ADAM10: variants seen among roughly 807,000 people sequenced by gnomAD.
ADAM10 encodes disintegrin and metalloproteinase domain-containing protein 10.
ADAM10 carries 17 observed loss-of-function variants against 90.1 expected under a neutral mutation model. The observed-to-expected ratio is 0.19, with a 90% CI of 0.13 to 0.28. The LOEUF is 0.28. Among genes scored for constraint, ADAM10 ranks in the 10% least tolerant of loss-of-function variants. The pLI, the probability that ADAM10 is intolerant of heterozygous loss-of-function variation, is 1.00. For missense variants in ADAM10, 610 were observed against 914.3 expected (o/e 0.67, Z 4.29); for synonymous variants, 310 against 298.6 (o/e 1.04, Z -0.40).
intron 2 of ADAM10, chr15:58,692,498 T>C: frequency 1.9e-6 from 1 of 516,704 alleles, no homozygotes; most frequent in Non-Finnish European, 3.9e-6. Flanking sequence ...TCCTCTTCTT[T>C]CTCACCTTTC....
rs1894811354 is a variant in ADAM10 at position 58,590,917 on chromosome 15, G to A, written c.*6630C>T. The A allele has an allele frequency of 6.6e-6, 1 of 151,962 alleles. No individual in the cohort carries two copies. The highest frequency in any genetic ancestry group is 6.6e-5 in the Admixed American group (1 of 15,256). The allele number at this position is 151,962 out of a possible 1,614,324, so 9.4% of individuals were successfully genotyped here. On this transcript the variant is annotated 3_prime_UTR_variant, in exon 16 of 16. Coordinates refer to ENST00000260408, the MANE Select transcript of ADAM10 (RefSeq NM_001110.4). ...AATTATTCTCATTTTTTTACACTGA[G>A]AACAAACAACTACAGAATATCTTTT...
At chr15:58,731,641 A>C (rs1208076375) in intron 1 of ADAM10, among the ~76,000 whole-genome samples, 1 of 152,094 alleles carries the variant, frequency 6.6e-6, no homozygotes, top group East Asian at 1.9e-4. Context: ...AAAATAAAAA[A>C]ATTAAAATTC....
chr15:58,698,250 T>C (rs1432468560), intron 2 of ADAM10: 1 of 445,506 alleles, frequency 2.2e-6, no homozygotes, highest in Non-Finnish European at 4.5e-6. Flanking sequence ...TAAGAAATCA[T>C]AAAATTTAGA....
chr15:58,595,245 C>T lies in ADAM10; in HGVS notation c.*2302G>A, dbSNP rs904303944. 6.6e-6 allele frequency: 1 copy of T among 151,880 alleles called. No homozygotes were observed. The highest frequency in any genetic ancestry group is 6.6e-5 in the Admixed American group (1 of 15,242). 9.4% of individuals were successfully genotyped at this position (151,880 alleles called of 1,614,324 possible). A position where few individuals can be genotyped will look rare whatever the true frequency, so the allele number is the denominator to read the frequency against. On this transcript the variant is annotated 3_prime_UTR_variant, in exon 16 of 16. Transcript: ENST00000260408. ...GGTTTATTGTGTGTACGCAGAGTAT[C>T]TAACTGGAAATTTTCTACATGGATT...
At chr15:58,688,637 G>A (rs1166242555) in intron 2 of ADAM10, among the ~76,000 whole-genome samples, 1 of 150,422 alleles carries the variant, frequency 6.6e-6, no homozygotes, top group Non-Finnish European at 1.5e-5. Context: ...GCACAATAAG[G>A]AGAAACCAAA....
At chr15:58,617,290 C>G (rs1895644001) in intron 11 of ADAM10, among the ~76,000 whole-genome samples, 1 of 151,704 alleles carries the variant, frequency 6.6e-6, no homozygotes, top group Non-Finnish European at 1.5e-5. Context: ...CATTAGAAAC[C>G]ATTACAATAA....
At chr15:58,713,034 C>T (rs1898527582) in intron 2 of ADAM10, among the ~76,000 whole-genome samples, 1 of 152,114 alleles carries the variant, frequency 6.6e-6, no homozygotes, top group South Asian at 2.1e-4. Flanking sequence ...ATGAGGATGA[C>T]ATAGAGTATA....
At chr15:58,669,718 C>G (rs1326855415) in intron 4 of ADAM10, among the ~76,000 whole-genome samples, 1 of 151,942 alleles carries the variant, frequency 6.6e-6, no homozygotes, top group Non-Finnish European at 1.5e-5. Flanking sequence ...CTGTAATAAC[C>G]CAACCAAAAT....
chr15:58,736,826 C>G (rs1223112210), intron 1 of ADAM10, among the ~76,000 whole-genome samples: 2 of 151,912 alleles, frequency 1.3e-5, no homozygotes, highest in African/African-American at 4.8e-5. Context: ...ATAGAGAAAA[C>G]AGATCCTTTA....
intron 3 of ADAM10, 29 bp downstream of exon 3, chr15:58,682,166 AG>A: frequency 1.2e-6 from 2 of 1,606,782 alleles, no homozygotes; most frequent in East Asian, 4.5e-5. Flanking sequence ...AAAAAATGGA[AG>A]AAAAGGGTTC....
At chr15:58,636,387 G>T (rs1478473973) in intron 8 of ADAM10, among the ~76,000 whole-genome samples, 1 of 152,058 alleles carries the variant, frequency 6.6e-6, no homozygotes, top group Admixed American at 6.6e-5. Flanking sequence ...TGAAAGTTAT[G>T]GTTTAATTTT....
chr15:58,742,580 C>A (rs1390397790), intron 1 of ADAM10, among the ~76,000 whole-genome samples: 5 of 152,228 alleles, frequency 3.3e-5, no homozygotes, highest in African/African-American at 7.2e-5. Flanking sequence ...CTATTTCCTG[C>A]AAACTAGCTG....
chr15:58,660,409 C>G (rs1464602616), intron 5 of ADAM10, among the ~76,000 whole-genome samples: 26 of 151,828 alleles, frequency 1.7e-4, no homozygotes, highest in Non-Finnish European at 2.8e-4. Flanking sequence ...TTCTTTTACG[C>G]TCATTTGGTC....
At chr15:58,645,098 G>C (rs1476546669) in intron 6 of ADAM10, among the ~76,000 whole-genome samples, 10 of 152,086 alleles carry the variant, frequency 6.6e-5, no homozygotes, top group African/African-American at 2.4e-4. Flanking sequence ...TATTTTCAAA[G>C]AAATTGTAAA....
chr15:58,634,517 C>A (rs1230544381), intron 8 of ADAM10, among the ~76,000 whole-genome samples: 1 of 152,060 alleles, frequency 6.6e-6, no homozygotes, highest in African/African-American at 2.4e-5. Flanking sequence ...AATTTAACAG[C>A]AAATGACAGT....
At chr15:58,659,888 C>T (rs1896927354) in intron 5 of ADAM10, among the ~76,000 whole-genome samples, 1 of 152,142 alleles carries the variant, frequency 6.6e-6, no homozygotes, top group African/African-American at 2.4e-5. Flanking sequence ...GCCACCACAC[C>T]CAGCTAACTT....
At chr15:58,684,626 G>A (rs759940388) in intron 2 of ADAM10, among the ~76,000 whole-genome samples, 16 of 152,190 alleles carry the variant, frequency 1.1e-4, no homozygotes, top group Non-Finnish European at 1.8e-4. Context: ...ACATTCCTAC[G>A]CATCTCTTCC....
At chr15:58,625,799 T>C (rs929738758) in intron 10 of ADAM10, among the ~76,000 whole-genome samples, 1 of 152,172 alleles carries the variant, frequency 6.6e-6, no homozygotes, top group Admixed American at 6.5e-5. Flanking sequence ...AGTACATACA[T>C]ACCATGGAAT....
At chr15:58,599,314 T>C (rs1895047620) in intron 15 of ADAM10, among the ~76,000 whole-genome samples, 1 of 147,796 alleles carries the variant, frequency 6.8e-6, no homozygotes, top group Non-Finnish European at 1.5e-5. Context: ...TGTTAGAATA[T>C]ATTTAAAAAA....
Sources: allele counts gnomAD v4.1 joint callset (sites outside exome capture counted in the v4.1 genomes callset), GRCh38; gene constraint gnomAD v4.1.1; transcripts MANE v1.5; gene names NCBI Gene and HGNC (gene_info 2026-07-23, HGNC 2026-07-21).